Variants in KHDRBS2 observed in about 807,000 individuals in gnomAD.
KHDRBS2 encodes KH domain-containing, RNA-binding, signal transduction-associated protein 2.
A neutral mutation model predicts 44.3 loss-of-function variants in KHDRBS2; 26 were observed. The ratio of observed to expected loss-of-function variants is 0.59; its 90% confidence interval spans 0.43 to 0.81. KHDRBS2 has a LOEUF of 0.81. KHDRBS2 is among the 40% of genes least tolerant of loss of function. The pLI is 0.00. For missense variants in KHDRBS2, 476 were observed against 433.1 expected, an observed-to-expected ratio of 1.10 and a Z score of -0.88; for synonymous variants, 194 against 151.1, an observed-to-expected ratio of 1.28 and a Z score of -2.08.
intron 3 of KHDRBS2, among the ~76,000 whole-genome samples, chr6:62,004,173 T>C (rs1224099283): frequency 6.6e-6 from 1 of 151,900 alleles, no homozygotes; most frequent in East Asian, 1.9e-4. Context: ...CTGAAGGAAA[T>C]AGAGACACGA....
At chr6:62,263,710 T>C (rs552884490) in intron 1 of KHDRBS2, among the ~76,000 whole-genome samples, 1 of 151,924 alleles carries the variant, frequency 6.6e-6, no homozygotes, top group Non-Finnish European at 1.5e-5. Context: ...CTAATGTCTA[T>C]TTACTAAATT....
intron 6 of KHDRBS2, among the ~76,000 whole-genome samples, chr6:61,776,384 C>T (rs1475751867): frequency 1.0e-3 from 156 of 151,888 alleles, no homozygotes; most frequent in African/African-American, 3.7e-3. Flanking sequence ...ATTTTCACAA[C>T]CTACTCATCT....
At chr6:61,944,983 C>T (rs1179974292) in intron 4 of KHDRBS2, among the ~76,000 whole-genome samples, 2 of 149,484 alleles carry the variant, frequency 1.3e-5, no homozygotes, top group Admixed American at 6.7e-5. Flanking sequence ...CCCAGCTACT[C>T]GAGAGGCTGA....
chr6:61,671,064 T>G, the KHDRBS2 span, among the ~76,000 whole-genome samples: 2 of 151,600 alleles, frequency 1.3e-5, no homozygotes, highest in South Asian at 2.1e-4. Flanking sequence ...AGTTGAAAAA[T>G]TTCATCATGT....
chr6:62,059,445 G>C lies in KHDRBS2; in HGVS notation c.220-11451C>G, dbSNP rs146895167. ...AGCAGAATGATGACAACAGAAGAAA[G>C]AAAAGGAGATGAGACTGAAGCAATA... On this transcript the variant is annotated intron_variant, in intron 2 of 8. Transcript: ENST00000281156. 6.8e-4 allele frequency among the ~76,000 whole-genome samples: 103 copies of C among 151,518 alleles called. 1 individual carries two copies. Among genetic ancestry groups the C allele is most frequent in the African/African-American group, 2.4e-3 (101 of 41,386 alleles).
intron 7 of KHDRBS2, 45 bp downstream of exon 7, chr6:61,732,637 T>C (rs753447471): frequency 9.2e-7 from 1 of 1,083,216 alleles, no homozygotes; most frequent in South Asian, 1.3e-5. Context: ...CAAAATTGAT[T>C]AGAGATAATC....
chr6:62,057,971 C>T (rs1161465894), intron 2 of KHDRBS2, among the ~76,000 whole-genome samples: 1 of 151,630 alleles, frequency 6.6e-6, no homozygotes, highest in African/African-American at 2.4e-5. Context: ...CATAGTTTAC[C>T]CAACAACAGT....
At chr6:61,840,118 T>C (rs1305133121) in intron 6 of KHDRBS2, among the ~76,000 whole-genome samples, 1 of 152,158 alleles carries the variant, frequency 6.6e-6, no homozygotes, top group African/African-American at 2.4e-5. Context: ...AAAGCAGTTC[T>C]ACATCATTTT....
rs567977132 is a variant in KHDRBS2, at chr6:62,027,046, C to T, written c.336+20832G>A. Among the ~76,000 whole-genome samples, 3 of 149,900 alleles carry T rather than the reference C, an allele frequency of 2.0e-5. No homozygotes were observed. The South Asian group carries it at 6.3e-4, about 31-fold the overall frequency. On this transcript the variant is annotated intron_variant, in intron 3 of 8. Coordinates refer to ENST00000281156, the MANE Select transcript of KHDRBS2 (RefSeq NM_152688.4). Reference sequence around the variant, plus strand: ...TTTCATTTCGAGAACTCTTATTGTACATGTGGAGAATGTCTTTGCTTTATT... The same window carrying T: ...TTTCATTTCGAGAACTCTTATTGTATATGTGGAGAATGTCTTTGCTTTATT...
chr6:62,242,014 C>A (rs953245462), intron 1 of KHDRBS2, among the ~76,000 whole-genome samples: 7 of 152,104 alleles, frequency 4.6e-5, no homozygotes, highest in Non-Finnish European at 1.0e-4. Context: ...TTTGACATGA[C>A]AACTGAAAAC....
chr6:62,275,109 T>G (rs531895066), intron 1 of KHDRBS2, among the ~76,000 whole-genome samples: 3 of 152,110 alleles, frequency 2.0e-5, no homozygotes, highest in African/African-American at 7.2e-5. Context: ...TCCAAATACT[T>G]ATCTGACTTA....
chr6:61,905,040 T>C (rs1307095643), intron 4 of KHDRBS2, among the ~76,000 whole-genome samples: 1 of 152,188 alleles, frequency 6.6e-6, no homozygotes, highest in East Asian at 1.9e-4. Context: ...ACTCTTTTAC[T>C]TTAAAGTGGT....
intron 6 of KHDRBS2, among the ~76,000 whole-genome samples, chr6:61,860,381 C>A (rs1041746297): frequency 6.7e-6 from 1 of 150,028 alleles, no homozygotes; most frequent in Non-Finnish European, 1.5e-5. Context: ...CACCCTCTGC[C>A]CCCCGATAGC....
rs140882913 is a variant in KHDRBS2 at position 61,969,100 on chromosome 6, T to C, written c.483+8966A>G. Among the ~76,000 whole-genome samples the C allele has an allele frequency of 4.4e-3, 672 of 152,156 alleles. 20 individuals are homozygous for C. The highest frequency in any genetic ancestry group is 3.3e-3 in the East Asian group (17 of 5,178). The stretch of plus-strand genomic sequence containing the variant: ...AGGTATTGAGATAAAAGCTTTTACA[T>C]ATAAGATCTTTTCTGTAATAAAGTG... On this transcript the variant is annotated intron_variant, in intron 4 of 8. Coordinates refer to ENST00000281156, the MANE Select transcript of KHDRBS2 (RefSeq NM_152688.4).
intron 4 of KHDRBS2, among the ~76,000 whole-genome samples, chr6:61,906,542 C>A (rs73487384): frequency 1.3e-5 from 2 of 151,990 alleles, no homozygotes; most frequent in Admixed American, 6.6e-5. Flanking sequence ...CAACTTCCCC[C>A]CCTCCTTCCC....
At chr6:61,855,705 C>T (rs185347728) in intron 6 of KHDRBS2, among the ~76,000 whole-genome samples, 1 of 151,748 alleles carries the variant, frequency 6.6e-6, no homozygotes, top group Non-Finnish European at 1.5e-5. Context: ...ATAGACATAA[C>T]CCAGAGGTTC....
chr6:61,552,718 A>G, the KHDRBS2 span, among the ~76,000 whole-genome samples: 2,054 of 152,226 alleles, frequency 0.013, 48 homozygotes, highest in African/African-American at 0.047. Flanking sequence ...GGGATGTTGA[A>G]TTTTATCAAA....
At chr6:61,607,057 T>C in the KHDRBS2 span, among the ~76,000 whole-genome samples, 2 of 152,006 alleles carry the variant, frequency 1.3e-5, no homozygotes, top group Admixed American at 6.5e-5. Flanking sequence ...TAGAGTAATA[T>C]AGAAAATAGG....
intron 6 of KHDRBS2, among the ~76,000 whole-genome samples, chr6:61,769,853 C>T (rs6928701): frequency 1.0e-3 from 157 of 152,288 alleles, no homozygotes; most frequent in Middle Eastern, 0.01. Context: ...TCTCCCAGCA[C>T]GCAGCTTGAG....
Sources: gnomAD v4.1 joint callset for allele counts (sites outside exome capture counted in the v4.1 genomes callset) on GRCh38, gnomAD v4.1.1 for gene constraint, MANE v1.5 for transcripts, NCBI Gene and HGNC (gene_info 2026-07-23, HGNC 2026-07-21) for gene names.